Variants in AP3M1 observed in about 807,000 individuals in gnomAD.
The protein encoded by AP3M1 is adaptor related protein complex 3 subunit mu 1.
AP3M1 carries 29 observed loss-of-function variants against 42.6 expected under a neutral mutation model. That is an observed-to-expected ratio of 0.68 (90% confidence interval 0.51 to 0.93). The LOEUF (loss-of-function observed/expected upper bound fraction) is 0.93, where lower values mean the gene tolerates loss of function less well. AP3M1 is among the 40% of genes least tolerant of loss of function. AP3M1 has a pLI of 0.00. For synonymous variants in AP3M1, 178 were observed against 175.3 expected (o/e 1.02, Z -0.12); for missense variants, 416 against 510.2 (o/e 0.82, Z 1.78).
rs1433191521 is a variant in AP3M1, at chr10:74,134,083, T to C, written c.527A>G (p.Asn176Ser). The C allele has an allele frequency of 6.2e-7, 1 of 1,614,200 alleles. No homozygotes were observed. Among genetic ancestry groups the C allele is most frequent in the Non-Finnish European group, 8.5e-7 (1 of 1,180,026 alleles). The change falls in exon 4 of 9, where the codon AAC becomes AGC. Residue 176 changes from asparagine to serine, a missense_variant. Asn to Ser is a conservative substitution (Grantham distance 46). Transcript: ENST00000355264. ...AACAACATCAAAATAGGCTTCATTGTTTGTGTACTTTACCCCTGCCCGACG... is the reference window on the plus strand; with the variant it reads ...AACAACATCAAAATAGGCTTCATTGCTTGTGTACTTTACCCCTGCCCGACG... ...PWRRAGVKYT[N>S]NEAYFDVVEE...
rs1840517775 is a variant in AP3M1 at position 74,123,172 on chromosome 10, T to C, written c.*638A>G. The C allele has an allele frequency of 1.3e-5, 2 of 152,640 alleles. No homozygotes were observed. The highest frequency in any genetic ancestry group is 4.1e-4 in the South Asian group (2 of 4,826). The allele number at this position is 152,640 out of a possible 1,614,324, so 9.5% of individuals were successfully genotyped here. A position where few individuals can be genotyped will look rare whatever the true frequency, so the allele number is the denominator to read the frequency against. ...GGTCCCTGTAAATCAAATTCTAAGCTTTACATAAAAATCTTATTTATAAAA... is the reference window on the plus strand; with the variant it reads ...GGTCCCTGTAAATCAAATTCTAAGCCTTACATAAAAATCTTATTTATAAAA... On this transcript the variant is annotated 3_prime_UTR_variant, in exon 9 of 9. Transcript: ENST00000355264.
intron 4 of AP3M1, among the ~76,000 whole-genome samples, chr10:74,132,322 T>C (rs552836618): frequency 1.3e-5 from 2 of 152,136 alleles, no homozygotes; most frequent in Admixed American, 1.3e-4. Flanking sequence ...ACAGGCGTGA[T>C]CCACCATGCC....
chr10:74,136,603 G>T, intron 3 of AP3M1, 29 bp downstream of exon 3: 1 of 1,460,292 alleles, frequency 6.8e-7, no homozygotes, highest in Admixed American at 2.0e-5. Flanking sequence ...TAATTGCTCA[G>T]TTACTAGCAC....
rs1192319169 is a variant in AP3M1, at chr10:74,120,855, G to C, written c.*2955C>G. On this transcript the variant is annotated 3_prime_UTR_variant, in exon 9 of 9. Transcript: ENST00000355264. ...TTTTCATATTCCAAAGCCCAGTATA[G>C]AATAAATAGGGTTTTCAGGGATCCA... is the stretch of plus-strand genomic sequence containing the variant. 1 of 152,108 alleles carries C rather than the reference G, an allele frequency of 6.6e-6. No homozygotes were observed. The highest frequency in any genetic ancestry group is 1.5e-5 in the Non-Finnish European group (1 of 68,020). 9.4% of individuals were successfully genotyped at this position (152,108 alleles called of 1,614,324 possible).
chr10:74,133,157 G>A (rs1372087947), intron 4 of AP3M1, among the ~76,000 whole-genome samples: 4 of 152,138 alleles, frequency 2.6e-5, no homozygotes, highest in Non-Finnish European at 5.9e-5. Context: ...CACTTTGGGA[G>A]GCCGAAACGG....
In AP3M1 at chr10:74,135,788, G is replaced by A. The variant is rs80046290; in HGVS notation, c.445+844C>T. ...CCCATTCAGAGTATAAGTTTTAGGA[G>A]TACAGACACACCATCTTATCTTTCT... On this transcript the variant is annotated intron_variant, in intron 3 of 8. Transcript: ENST00000355264. Among the ~76,000 whole-genome samples, 567 of 152,204 alleles carry A rather than the reference G, an allele frequency of 3.7e-3. 3 individuals carry two copies. Among genetic ancestry groups the A allele is most frequent in the African/African-American group, 0.013 (546 of 41,548 alleles).
At chr10:74,124,905 T>C (rs997790057) in intron 7 of AP3M1, among the ~76,000 whole-genome samples, 3 of 152,198 alleles carry the variant, frequency 2.0e-5, no homozygotes, top group Non-Finnish European at 4.4e-5. Flanking sequence ...GAGGTAAGGC[T>C]GGGATTTGAA....
At chr10:74,146,988 G>C (rs942639203) in intron 1 of AP3M1, among the ~76,000 whole-genome samples, 1 of 152,108 alleles carries the variant, frequency 6.6e-6, no homozygotes. Flanking sequence ...TAAGCTACGA[G>C]AATTGAAAAT....
chr10:74,140,598 A>G, intron 1 of AP3M1, among the ~76,000 whole-genome samples: 1 of 150,150 alleles, frequency 6.7e-6, no homozygotes, highest in Non-Finnish European at 1.5e-5. Context: ...AAAAATATAT[A>G]TATTTGAATT....
At chr10:74,135,171 T>C (rs974147012) in intron 3 of AP3M1, among the ~76,000 whole-genome samples, 1 of 152,228 alleles carries the variant, frequency 6.6e-6, no homozygotes, top group African/African-American at 2.4e-5. Context: ...GCTAAATATT[T>C]ATCCTAGCTT....
intron 1 of AP3M1, among the ~76,000 whole-genome samples, chr10:74,144,720 T>C (rs971858314): frequency 4.6e-5 from 7 of 151,700 alleles, no homozygotes; most frequent in African/African-American, 1.7e-4. Context: ...TGGAGTGCAA[T>C]GGCACGATTT....
rs1378901788 is a variant in AP3M1 at position 74,121,132 on chromosome 10, A to T, written c.*2678T>A. On this transcript the variant is annotated 3_prime_UTR_variant, in exon 9 of 9. Transcript: ENST00000355264. ...ATAAAGACAGATTCCAGCCTGCTTG[A>T]GTTAAGGGAAAGGCCAAGGCTGCTA... 1 of 152,208 alleles carries T rather than the reference A, an allele frequency of 6.6e-6. No individual in the cohort carries two copies. Among genetic ancestry groups the T allele is most frequent in the Non-Finnish European group, 1.5e-5 (1 of 68,026 alleles). 9.4% of individuals were successfully genotyped at this position (152,208 alleles called of 1,614,324 possible).
At chr10:74,143,575 G>T (rs1224038597) in intron 1 of AP3M1, among the ~76,000 whole-genome samples, 1 of 152,158 alleles carries the variant, frequency 6.6e-6, no homozygotes, top group African/African-American at 2.4e-5. Context: ...TATCTAAAAT[G>T]TATTGAGTAC....
At chr10:74,134,619 C>T (rs1449790217) in intron 3 of AP3M1, among the ~76,000 whole-genome samples, 1 of 152,194 alleles carries the variant, frequency 6.6e-6, no homozygotes, top group Non-Finnish European at 1.5e-5. Flanking sequence ...TGGAATCTGG[C>T]CTTTTCCTAT....
Position 74,129,248 on chromosome 10 carries a change from GA to G in AP3M1, c.670-8del. 1 of 1,613,086 alleles carries G rather than the reference GA, an allele frequency of 6.2e-7. No individual in the cohort carries two copies. The highest frequency in any genetic ancestry group is 2.2e-5 in the East Asian group (1 of 44,878). On this transcript the variant is annotated splice_region_variant and splice_polypyrimidine_tract_variant and intron_variant, in intron 5 of 8. Transcript: ENST00000355264. ...CATCCAGAAGCCTAGGGTTCTGCCA[GA>G]AAAACAGAAGACAGTCGTTCATAGA...
Position 74,121,988 on chromosome 10 carries a change from A to C in AP3M1, c.*1822T>G, listed in dbSNP as rs1341398488. The stretch of plus-strand genomic sequence containing the variant: ...TGGACAGTCCAGGTATAGATTGTTG[A>C]GATTAGGGATTCAGCAGAAAGCAAA... On this transcript the variant is annotated 3_prime_UTR_variant, in exon 9 of 9. Transcript: ENST00000355264. The C allele has an allele frequency of 6.6e-6, 1 of 152,192 alleles. No individual in the cohort carries two copies. Among genetic ancestry groups the C allele is most frequent in the African/African-American group, 2.4e-5 (1 of 41,434 alleles). The allele number at this position is 152,192 out of a possible 1,614,324, so 9.4% of individuals were successfully genotyped here.
intron 1 of AP3M1, among the ~76,000 whole-genome samples, chr10:74,147,570 TTC>T (rs900553572): frequency 4.6e-5 from 7 of 152,254 alleles, no homozygotes; most frequent in East Asian, 1.9e-4. Flanking sequence ...CCACAGAATA[TTC>T]TCTGTTTATG....
At chr10:74,126,410 G>T in intron 6 of AP3M1, 55 bp from the exon 7 acceptor site, 1 of 1,453,788 alleles carries the variant, frequency 6.9e-7, no homozygotes, top group Non-Finnish European at 9.5e-7. Flanking sequence ...AATGGTGTGG[G>T]GAGAGCTCCA....
rs2131982120 is a variant in AP3M1, at chr10:74,136,614, A to G, written c.445+18T>C. The G allele has an allele frequency of 1.3e-6, 2 of 1,511,046 alleles. No homozygotes were observed. The highest frequency in any genetic ancestry group is 4.7e-5 in the East Asian group (2 of 42,942). 93.6% of individuals were successfully genotyped at this position (1,511,046 alleles called of 1,614,324 possible). A position where few individuals can be genotyped will look rare whatever the true frequency, so the allele number is the denominator to read the frequency against. ...GTTTTAATTGCTCAGTTACTAGCAC[A>G]GTATGTTTTCATCTTACCTGTAATA... is the stretch of plus-strand genomic sequence containing the variant. On this transcript the variant is annotated intron_variant, in intron 3 of 8. Coordinates refer to ENST00000355264, the MANE Select transcript of AP3M1 (RefSeq NM_012095.6).
Sources: gnomAD v4.1 joint callset for allele counts (sites outside exome capture counted in the v4.1 genomes callset) on GRCh38, gnomAD v4.1.1 for gene constraint, MANE v1.5 for transcripts, NCBI Gene and HGNC (gene_info 2026-07-23, HGNC 2026-07-21) for gene names.